The following ABLIM2 variants were observed in gnomAD, a reference collection of about 807,000 sequenced individuals.
ABLIM2 encodes the protein actin-binding LIM protein 2.
Under a neutral mutation model 97.7 loss-of-function variants are expected in ABLIM2, and 53 were observed. The ratio of observed to expected loss-of-function variants is 0.54; its 90% CI spans 0.44 to 0.68. The LOEUF (loss-of-function observed/expected upper bound fraction) is 0.68, where lower values mean the gene tolerates loss of function less well. ABLIM2 is among the 30% of genes least tolerant of loss of function. The pLI, the probability that ABLIM2 is intolerant of heterozygous loss-of-function variation, is 0.00. For missense variants in ABLIM2, 835 were observed against 867.2 expected, an observed-to-expected ratio of 0.96 and a Z score of 0.47; for synonymous variants, 361 against 345.8, an observed-to-expected ratio of 1.04 and a Z score of -0.49.
intron 1 of ABLIM2, among the ~76,000 whole-genome samples, chr4:8,131,756 TCCCTGAGCACAGCAGCCCGCATCC>T (rs1225821408): frequency 5.4e-4 from 46 of 85,772 alleles, no homozygotes; most frequent in Admixed American, 1.0e-3. Context: ...GCAGCCCGCA[TCCCTGAGCACAGCAGCCCGCATCC>T]CCTGCACAGC....
Position 7,966,907 on chromosome 4 carries a change from G to A in ABLIM2, c.*83C>T. ...GGACACAGAGAAGCCAGAGCAAGGT[G>A]TGTGGGAGGGGTGTGTGCGGTTCTC... On this transcript the variant is annotated 3_prime_UTR_variant, in exon 21 of 21. Coordinates refer to ENST00000447017, the MANE Select transcript of ABLIM2 (RefSeq NM_001130083.2). 1.9e-6 allele frequency: 1 copy of A among 533,314 alleles called. No homozygotes were observed. Among genetic ancestry groups the A allele is most frequent in the Non-Finnish European group, 3.2e-6 (1 of 310,918 alleles). 33.0% of individuals were successfully genotyped at this position (533,314 alleles called of 1,614,324 possible).
At chr4:8,141,246 A>T (rs1215467182) in intron 1 of ABLIM2, among the ~76,000 whole-genome samples, 2 of 151,996 alleles carry the variant, frequency 1.3e-5, no homozygotes, top group Non-Finnish European at 2.9e-5. Context: ...CTCTAAAGAG[A>T]TCACAAACAT....
At chr4:8,050,620 G>A (rs1446541931) in intron 8 of ABLIM2, among the ~76,000 whole-genome samples, 6 of 152,232 alleles carry the variant, frequency 3.9e-5, no homozygotes, top group Non-Finnish European at 8.8e-5. Flanking sequence ...ATGCTGCCGG[G>A]AGCCGGCCAG....
intron 4 of ABLIM2, among the ~76,000 whole-genome samples, chr4:8,084,522 C>G (rs1181311690): frequency 6.6e-6 from 1 of 152,188 alleles, no homozygotes; most frequent in Non-Finnish European, 1.5e-5. Context: ...CCCAGGTGGT[C>G]AAGCCCTGTT....
chr4:8,098,842 T>C (rs1833037034), intron 2 of ABLIM2, among the ~76,000 whole-genome samples: 1 of 152,198 alleles, frequency 6.6e-6, no homozygotes, highest in Non-Finnish European at 1.5e-5. Flanking sequence ...GTCGAGGCCC[T>C]GGCTGCTGCT....
intron 6 of ABLIM2, among the ~76,000 whole-genome samples, chr4:8,074,906 C>G (rs547751754): frequency 6.6e-6 from 1 of 152,110 alleles, no homozygotes; most frequent in South Asian, 2.1e-4. Flanking sequence ...CTGCCTCAGC[C>G]CCCTGAGTAG....
rs1336918679 is a variant in ABLIM2 at position 8,112,329 on chromosome 4, C to G, written c.11-5692G>C. Among the ~76,000 whole-genome samples, 1 of 152,220 alleles carries G rather than the reference C, an allele frequency of 6.6e-6. No individual in the cohort carries two copies. Among genetic ancestry groups the G allele is most frequent in the Non-Finnish European group, 1.5e-5 (1 of 68,052 alleles). ...CACCATCCAGGGGCAGCGGTGTGAC[C>G]TTGGTGAATGGATTTAACTCTGCAA... is the stretch of plus-strand genomic sequence containing the variant. On this transcript the variant is annotated intron_variant, in intron 1 of 20. Transcript: ENST00000447017. The surrounding 1 kb of genome is among the most constrained non-coding windows in gnomAD (Gnocchi z 4.2).
intron 20 of ABLIM2, among the ~76,000 whole-genome samples, chr4:7,968,459 A>C (rs942939334): frequency 1.3e-5 from 2 of 152,254 alleles, no homozygotes; most frequent in Non-Finnish European, 2.9e-5. Flanking sequence ...ATAGATACAC[A>C]GAATGTGACA....
rs1331725349 is a variant in ABLIM2, at chr4:8,082,106, C to G, written c.455-1304G>C. On this transcript the variant is annotated intron_variant, in intron 4 of 20. Transcript: ENST00000447017. The surrounding 1 kb of genome is among the most constrained non-coding windows in gnomAD (Gnocchi z 5.6). The stretch of plus-strand genomic sequence containing the variant: ...GAAGGGCCTCGGACCCCGTAATGGA[C>G]AGGGAGGAAGAGGGTGTCTGACAAA... Among the ~76,000 whole-genome samples, 1 of 152,084 alleles carries G rather than the reference C, an allele frequency of 6.6e-6. No homozygotes were observed. Among genetic ancestry groups the G allele is most frequent in the African/African-American group, 2.4e-5 (1 of 41,406 alleles).
At chr4:8,139,272 G>A (rs1396937718) in intron 1 of ABLIM2, among the ~76,000 whole-genome samples, 2 of 151,268 alleles carry the variant, frequency 1.3e-5, no homozygotes, top group African/African-American at 4.9e-5. Flanking sequence ...GGAAGGGAAG[G>A]GAAGGGAGAA....
At chr4:8,012,650 CCCAT>C (rs1016275280) in intron 14 of ABLIM2, among the ~76,000 whole-genome samples, 5 of 151,928 alleles carry the variant, frequency 3.3e-5, no homozygotes, top group South Asian at 4.2e-4. Flanking sequence ...CCACCCACCA[CCCAT>C]CCATCCATCT....
At chr4:8,045,278 C>A in intron 8 of ABLIM2, 37 bp from the exon 9 acceptor site, 1 of 1,580,664 alleles carries the variant, frequency 6.3e-7, no homozygotes, top group South Asian at 1.1e-5. Flanking sequence ...AAGGCAGGTA[C>A]CAACATTCGG....
At chr4:8,029,515 G>T in intron 11 of ABLIM2, 141 bp downstream of exon 11, 1 of 1,153,802 alleles carries the variant, frequency 8.7e-7, no homozygotes, top group Non-Finnish European at 1.1e-6. Context: ...CCACCCGCTG[G>T]CAATCCCACC....
At chr4:8,079,735 C>T (rs1333188430) in intron 5 of ABLIM2, among the ~76,000 whole-genome samples, 5 of 152,000 alleles carry the variant, frequency 3.3e-5, no homozygotes, top group African/African-American at 4.8e-5. Flanking sequence ...GACATGTGCT[C>T]GAATGTGCAT....
chr4:8,153,727 T>C (rs1713940138), intron 1 of ABLIM2, among the ~76,000 whole-genome samples: 1 of 149,182 alleles, frequency 6.7e-6, no homozygotes, highest in Admixed American at 6.6e-5. Flanking sequence ...GTGTGCTCTC[T>C]TCTTTCCATT....
intron 3 of ABLIM2, among the ~76,000 whole-genome samples, chr4:8,096,167 C>T (rs1047202808): frequency 2.6e-5 from 4 of 152,204 alleles, no homozygotes; most frequent in Non-Finnish European, 4.4e-5. Context: ...CCTCGCCTCG[C>T]TTAACTTGTT....
chr4:7,966,840 A>T lies in ABLIM2; in HGVS notation c.*150T>A. On this transcript the variant is annotated 3_prime_UTR_variant, in exon 21 of 21. Coordinates refer to ENST00000447017, the MANE Select transcript of ABLIM2 (RefSeq NM_001130083.2). The stretch of plus-strand genomic sequence containing the variant: ...CGGCAGGAGTGTCGCCGGCAGGTGC[A>T]GGGGCCGCACCTGCTGGGGGACCCC... The T allele has an allele frequency of 1.7e-6, 1 of 603,580 alleles. No individual in the cohort carries two copies. Among genetic ancestry groups the T allele is most frequent in the South Asian group, 2.1e-5 (1 of 48,666 alleles). 37.4% of individuals were successfully genotyped at this position (603,580 alleles called of 1,614,324 possible).
intron 16 of ABLIM2, among the ~76,000 whole-genome samples, chr4:7,993,470 G>C (rs560683231): frequency 6.6e-6 from 1 of 152,304 alleles, no homozygotes; most frequent in East Asian, 1.9e-4. Flanking sequence ...AATCACTTGA[G>C]GCCAGGAGTT....
At chr4:8,141,817 T>C (rs1033782260) in intron 1 of ABLIM2, among the ~76,000 whole-genome samples, 6 of 152,234 alleles carry the variant, frequency 3.9e-5, no homozygotes, top group Non-Finnish European at 7.3e-5. Context: ...CCACACTGTA[T>C]CTAGGGTCCC....
Sources: allele counts gnomAD v4.1 joint callset (sites outside exome capture counted in the v4.1 genomes callset), GRCh38; gene constraint gnomAD v4.1.1; non-coding constraint Gnocchi (gnomAD v3.1); transcripts MANE v1.5; gene names NCBI Gene and HGNC (gene_info 2026-07-23, HGNC 2026-07-21).